ATP8A1: variants seen among roughly 807,000 people sequenced by gnomAD.
The protein encoded by ATP8A1 is phospholipid-transporting ATPase IA.
Under a neutral mutation model 177.7 loss-of-function variants are expected in ATP8A1, and 90 were observed. The ratio of observed to expected loss-of-function variants is 0.51; its 90% CI spans 0.43 to 0.60. The LOEUF is 0.60. ATP8A1 is among the 20% of genes least tolerant of loss of function. The probability of loss-of-function intolerance (pLI) is 0.00; values close to 1 mark genes in which losing one functional copy is unlikely to be tolerated. For synonymous variants in ATP8A1, 493 were observed against 485.9 expected (o/e 1.01, Z -0.19); for missense variants, 1,072 against 1,392.8 (o/e 0.77, Z 3.67).
intron 33 of ATP8A1, among the ~76,000 whole-genome samples, chr4:42,440,214 A>G (rs976338157): frequency 6.6e-6 from 1 of 152,020 alleles, no homozygotes; most frequent in Non-Finnish European, 1.5e-5. Flanking sequence ...CGGGCCCCAC[A>G]CACCATGATC....
chr4:42,445,057 T>C (rs541806757), intron 31 of ATP8A1, among the ~76,000 whole-genome samples: 3 of 152,256 alleles, frequency 2.0e-5, no homozygotes, highest in African/African-American at 7.2e-5. Flanking sequence ...CAAATTTTAA[T>C]GAATAAAATA....
chr4:42,468,432 C>A (rs1186358213), intron 25 of ATP8A1, among the ~76,000 whole-genome samples: 3 of 54,828 alleles, frequency 5.5e-5, no homozygotes, highest in Non-Finnish European at 8.6e-5. Context: ...ATATTTTATA[C>A]ACACACACAC....
chr4:42,436,090 T>C (rs1030262983), intron 33 of ATP8A1, among the ~76,000 whole-genome samples: 15 of 152,122 alleles, frequency 9.9e-5, no homozygotes, highest in Admixed American at 5.2e-4. Context: ...AATGCGACAA[T>C]GAATTGACTC....
At chr4:42,470,729 A>T (rs1417679898) in intron 25 of ATP8A1, among the ~76,000 whole-genome samples, 1 of 152,178 alleles carries the variant, frequency 6.6e-6, no homozygotes, top group Non-Finnish European at 1.5e-5. Context: ...AGTATTTTCT[A>T]GTTCTCCTGA....
chr4:42,646,701 T>A (rs1306579638), intron 1 of ATP8A1, among the ~76,000 whole-genome samples: 1 of 152,210 alleles, frequency 6.6e-6, no homozygotes, highest in Non-Finnish European at 1.5e-5. Flanking sequence ...GCCTTCTTAG[T>A]GACATTCTGA....
intron 2 of ATP8A1, 188 bp downstream of exon 2, chr4:42,626,807 C>A: frequency 1.7e-6 from 1 of 605,886 alleles, no homozygotes; most frequent in Non-Finnish European, 3.0e-6. Context: ...CTGCTCCTCG[C>A]TATTTCCAGA....
intron 31 of ATP8A1, among the ~76,000 whole-genome samples, chr4:42,445,880 G>C (rs1717160103): frequency 6.6e-6 from 1 of 152,000 alleles, no homozygotes; most frequent in Admixed American, 6.6e-5. Flanking sequence ...AGGGGTTTGA[G>C]ACCAGCCTGG....
chr4:42,485,632 G>A lies in ATP8A1; in HGVS notation c.2188C>T (p.Leu730Phe). The A allele has an allele frequency of 6.2e-7, 1 of 1,613,022 alleles. No homozygotes were observed. Among genetic ancestry groups the A allele is most frequent in the Non-Finnish European group, 8.5e-7 (1 of 1,179,612 alleles). Residue 730 changes from leucine to phenylalanine, a missense_variant, in exon 25 of 37, where the codon CTT (leucine) becomes TTT (phenylalanine). Leu to Phe is a conservative substitution (Grantham distance 22, BLOSUM62 0). Around this residue, in one of 5 missense-constraint regions of ATP8A1, gnomAD observed 388 missense variants for 471.7 expected, o/e 0.82. Transcript: ENST00000381668. ...TTCTCTTTCCGGAGAGCATCACCAA[G>A]GGTAGTACAGTGACGACTGAGAGTT... ...RETLSRHCTT[L>F]GDALRKENDF...
chr4:42,613,644 C>T (rs977432406), intron 5 of ATP8A1, among the ~76,000 whole-genome samples: 3 of 151,928 alleles, frequency 2.0e-5, no homozygotes, highest in African/African-American at 4.8e-5. Flanking sequence ...AGTGCAGTGG[C>T]GCGGTCTTGG....
chr4:42,472,313 T>C (rs778275839), intron 25 of ATP8A1: 6 of 513,670 alleles, frequency 1.2e-5, no homozygotes, highest in Admixed American at 2.1e-5. Flanking sequence ...GCTGAAACTT[T>C]TTCTGGTGTC....
intron 33 of ATP8A1, among the ~76,000 whole-genome samples, chr4:42,427,240 A>C (rs1274594344): frequency 1.3e-5 from 2 of 152,266 alleles, no homozygotes; most frequent in Admixed American, 6.5e-5. Context: ...AAAAGTAAAC[A>C]ATAAAAAACT....
intron 1 of ATP8A1, among the ~76,000 whole-genome samples, chr4:42,642,225 T>C (rs1349506290): frequency 6.6e-6 from 1 of 151,972 alleles, no homozygotes; most frequent in East Asian, 1.9e-4. Flanking sequence ...TTGCCAAATA[T>C]CCAACAAATC....
chr4:42,593,496 G>C (rs1734401311), intron 6 of ATP8A1, among the ~76,000 whole-genome samples: 1 of 151,772 alleles, frequency 6.6e-6, no homozygotes, highest in African/African-American at 2.4e-5. Flanking sequence ...TCGCTAACTT[G>C]TCATGAATCA....
intron 15 of ATP8A1, among the ~76,000 whole-genome samples, chr4:42,567,942 A>C (rs1327703948): frequency 2.0e-5 from 3 of 152,244 alleles, no homozygotes; most frequent in Non-Finnish European, 4.4e-5. Context: ...TATCACTTCT[A>C]TGCTAATGAA....
At chr4:42,556,250 A>G in intron 15 of ATP8A1, 1 of 383,988 alleles carries the variant, frequency 2.6e-6, no homozygotes, top group Non-Finnish European at 4.7e-6. Flanking sequence ...AGATGTTTGC[A>G]GTGTAATGAA....
intron 9 of ATP8A1, among the ~76,000 whole-genome samples, chr4:42,586,101 A>T (rs1733585279): frequency 6.6e-6 from 1 of 152,196 alleles, no homozygotes; most frequent in East Asian, 1.9e-4. Flanking sequence ...AGAAGCTGGG[A>T]ATATCTCTGA....
chr4:42,574,865 T>C (rs1260521068), intron 13 of ATP8A1, among the ~76,000 whole-genome samples, 158 bp from the exon 14 acceptor site: 1 of 152,224 alleles, frequency 6.6e-6, no homozygotes, highest in South Asian at 2.1e-4. Flanking sequence ...ATTCAGCTTT[T>C]TAAAAAGTAT....
At chr4:42,547,846 C>T (rs1214805370) in intron 19 of ATP8A1, among the ~76,000 whole-genome samples, 1 of 152,172 alleles carries the variant, frequency 6.6e-6, no homozygotes, top group Non-Finnish European at 1.5e-5. Context: ...AATGCCTTTC[C>T]TAAGCAATGT....
At chr4:42,619,288 A>T (rs1221333728) in intron 4 of ATP8A1, among the ~76,000 whole-genome samples, 1 of 152,192 alleles carries the variant, frequency 6.6e-6, no homozygotes, top group Non-Finnish European at 1.5e-5. Context: ...TAACTGTTTT[A>T]TAACGAATGG....
Sources: allele counts gnomAD v4.1 joint callset (sites outside exome capture counted in the v4.1 genomes callset), GRCh38; gene constraint gnomAD v4.1.1; regional missense constraint gnomAD v4.1.1; transcripts MANE v1.5; gene names NCBI Gene and HGNC (gene_info 2026-07-23, HGNC 2026-07-21).